The following IDUA variants were observed in gnomAD, a reference collection of about 807,000 sequenced individuals.
The protein encoded by IDUA is iduronidase alpha-L-.
Under a neutral mutation model 68.9 loss-of-function variants are expected in IDUA, and 65 were observed. The ratio of observed to expected loss-of-function variants is 0.94; its 90% CI spans 0.77 to 1.16. IDUA has a LOEUF of 1.16. IDUA is among the 50% of genes most tolerant of loss of function. The probability of loss-of-function intolerance (pLI) is 0.00; values close to 1 mark genes in which losing one functional copy is unlikely to be tolerated. For missense variants in IDUA, 1,046 were observed against 938.0 expected, an observed-to-expected ratio of 1.12 and a Z score of -1.50; for synonymous variants, 529 against 433.6, an observed-to-expected ratio of 1.22 and a Z score of -2.73.
chr4:990,219 C>T (rs1168039020), intron 2 of IDUA: 1 of 1,567,108 alleles, frequency 6.4e-7, no homozygotes, highest in African/African-American at 1.3e-5. Flanking sequence ...TGCCGGGCCC[C>T]TGGTGCCGCG....
At position 995,189 on chromosome 4, in the gene IDUA, C is replaced by CG. The variant is rs565220803; in HGVS notation, c.300-5422dup. On this transcript the variant is annotated intron_variant, in intron 2 of 13. Transcript: ENST00000514224. The stretch of plus-strand genomic sequence containing the variant: ...CCGCCTGAGTAGTTGGGACTACAGG[C>CG]GTGTGCCACCACGCCCGGCTAATTT... 2.6e-5 allele frequency among the ~76,000 whole-genome samples: 4 copies of CG among 152,088 alleles called. No individual in the cohort carries two copies. The South Asian group carries it at 8.3e-4, about 32-fold the overall frequency.
intron 2 of IDUA, among the ~76,000 whole-genome samples, chr4:995,445 G>C (rs535894126): frequency 6.6e-6 from 1 of 152,286 alleles, no homozygotes; most frequent in East Asian, 1.9e-4. Context: ...ACCTGTGGCC[G>C]GAGGGTGAGT....
At position 1,003,586 on chromosome 4, in the gene IDUA, A is replaced by C; in HGVS notation, c.1688A>C (p.Gln563Pro). 6.2e-7 allele frequency: 1 copy of C among 1,612,340 alleles called. No homozygotes were observed. The highest frequency in any genetic ancestry group is 8.5e-7 in the Non-Finnish European group (1 of 1,179,796). The stretch of plus-strand genomic sequence containing the variant: ...CGCGCCCTGCCCCTGACCCAAGGGC[A>C]GCTGGTTCTGGTCTGGTCGGATGAA... ...RLRALPLTQGQLVLVWSDEHV... is the reference protein window; with the variant it reads ...RLRALPLTQGPLVLVWSDEHV... The change falls in exon 12 of 14, where the codon CAG (glutamine) becomes CCG (proline). Residue 563 changes from glutamine (Q) to proline (P), a missense_variant. Gln to Pro is a moderately conservative substitution (Grantham distance 76, BLOSUM62 -1). Coordinates refer to ENST00000514224, the MANE Select transcript of IDUA (RefSeq NM_000203.5).
chr4:1,000,382 T>C (rs1715000397), intron 2 of IDUA, among the ~76,000 whole-genome samples: 1 of 152,242 alleles, frequency 6.6e-6, no homozygotes, highest in South Asian at 2.1e-4. Flanking sequence ...CCCCAAGTTT[T>C]CCATCTCTTG....
intron 4 of IDUA, 166 bp from the exon 5 acceptor site, chr4:1,001,302 G>T (rs564909779): frequency 1.4e-6 from 1 of 716,072 alleles, no homozygotes; most frequent in Admixed American, 2.0e-5. Flanking sequence ...CCCAGGTCTT[G>T]GACCCCCTTG....
rs367905897 is a variant in IDUA at position 999,342 on chromosome 4, C to T, written c.300-1270C>T. Among the ~76,000 whole-genome samples, 329 of 152,336 alleles carry T rather than the reference C, an allele frequency of 2.2e-3. 2 individuals carry two copies. The highest frequency in any genetic ancestry group is 7.7e-3 in the African/African-American group (320 of 41,574). ...CAGAGCCCCATGGAGCCTCATATCC[C>T]ATGATATCCACCCTTATTCTGTCTC... On this transcript the variant is annotated intron_variant, in intron 2 of 13. Coordinates refer to ENST00000514224, the MANE Select transcript of IDUA (RefSeq NM_000203.5).
At chr4:1,001,086 C>G in intron 4 of IDUA, 97 bp downstream of exon 4, 1 of 849,556 alleles carries the variant, frequency 1.2e-6, no homozygotes. Flanking sequence ...TCAGGAGATA[C>G]ATTGGTGGGC....
intron 10 of IDUA, 72 bp downstream of exon 10, chr4:1,003,229 G>A (rs1391273546): frequency 7.8e-7 from 1 of 1,274,892 alleles, no homozygotes; most frequent in Non-Finnish European, 1.0e-6. Flanking sequence ...CGGGGCGGGG[G>A]CTCCGAGGCG....
intron 2 of IDUA, chr4:990,146 C>G: frequency 1.3e-6 from 2 of 1,566,492 alleles, no homozygotes; most frequent in Non-Finnish European, 1.7e-6. Flanking sequence ...GTGCTGGTGA[C>G]CACGTCGCAC....
At chr4:996,416 G>A (rs1259608815) in intron 2 of IDUA, among the ~76,000 whole-genome samples, 5 of 152,214 alleles carry the variant, frequency 3.3e-5, no homozygotes, top group East Asian at 3.8e-4. Flanking sequence ...TGGTGCAGAC[G>A]CCTGCATGCA....
chr4:994,371 G>C (rs564122212), intron 2 of IDUA, among the ~76,000 whole-genome samples: 1 of 151,866 alleles, frequency 6.6e-6, no homozygotes, highest in African/African-American at 2.4e-5. Flanking sequence ...TGCCTCCTGG[G>C]TTCACGCCAT....
intron 2 of IDUA, among the ~76,000 whole-genome samples, chr4:996,684 C>T (rs1225081053): frequency 6.6e-6 from 1 of 152,210 alleles, no homozygotes; most frequent in Non-Finnish European, 1.5e-5. Context: ...GTGAGGTCAT[C>T]ACTGCAGGAT....
intron 2 of IDUA, chr4:990,343 C>G (rs572928465): frequency 1.2e-6 from 2 of 1,601,516 alleles, no homozygotes; most frequent in Non-Finnish European, 1.7e-6. Flanking sequence ...GAAGCCCAGC[C>G]GGAGGACGCC....
Position 991,657 on chromosome 4 carries a change from G to A in IDUA, c.299+3708G>A, listed in dbSNP as rs199532422. ...GGGTGCTGGGCGCTGCCGTCGGACC[G>A]GCACCGGCCCTCTGCCCTGCTGCAG... On this transcript the variant is annotated intron_variant, in intron 2 of 13. Coordinates refer to ENST00000514224, the MANE Select transcript of IDUA (RefSeq NM_000203.5). 132 of 1,546,982 alleles carry A rather than the reference G, an allele frequency of 8.5e-5. No individual in the cohort carries two copies. Among genetic ancestry groups the A allele is most frequent in the Non-Finnish European group, 9.0e-5 (104 of 1,153,566 alleles).
intron 2 of IDUA, chr4:990,330 C>T: frequency 6.2e-7 from 1 of 1,604,106 alleles, no homozygotes. Flanking sequence ...GGTAGGCGGA[C>T]ACGAAGCCCA....
Position 989,898 on chromosome 4 carries a change from G to A in IDUA, c.299+1949G>A. 6.4e-7 allele frequency: 1 copy of A among 1,566,324 alleles called. No individual in the cohort carries two copies. Among genetic ancestry groups the A allele is most frequent in the East Asian group, 2.4e-5 (1 of 42,354 alleles). Reference sequence around the variant, plus strand: ...AGAAGGCGGCAGCCACGAGGGCCAGGGCCACGGCATCCAAAGCCACACGCT... The same window carrying A: ...AGAAGGCGGCAGCCACGAGGGCCAGAGCCACGGCATCCAAAGCCACACGCT... On this transcript the variant is annotated intron_variant, in intron 2 of 13. Coordinates refer to ENST00000514224, the MANE Select transcript of IDUA (RefSeq NM_000203.5).
In IDUA at chr4:1,003,449, C is replaced by A; in HGVS notation, c.1629C>A (p.Arg543=). ...PSLLLVHVCA[R]PEKPPGQVTR... Reference sequence around the variant, plus strand: ...TTTTGCTGGTGCACGTGTGTGCGCGCCCCGAGAAGCCGCCCGGGCAGGCAA... The same window carrying A: ...TTTTGCTGGTGCACGTGTGTGCGCGACCCGAGAAGCCGCCCGGGCAGGCAA... Residue 543 remains arginine (R), a synonymous_variant, in exon 11 of 14, where the codon CGC becomes CGA. Coordinates refer to ENST00000514224, the MANE Select transcript of IDUA (RefSeq NM_000203.5). 6.5e-7 allele frequency: 1 copy of A among 1,548,920 alleles called. No homozygotes were observed. The highest frequency in any genetic ancestry group is 8.7e-7 in the Non-Finnish European group (1 of 1,153,924).
intron 2 of IDUA, among the ~76,000 whole-genome samples, chr4:997,419 C>T (rs1347865756): frequency 6.7e-6 from 1 of 149,672 alleles, no homozygotes; most frequent in African/African-American, 2.5e-5. Context: ...CCCCCATGCA[C>T]GCGCGGCCCC....
intron 2 of IDUA, among the ~76,000 whole-genome samples, chr4:996,898 C>T (rs1017636773): frequency 1.3e-5 from 2 of 152,172 alleles, no homozygotes; most frequent in African/African-American, 4.8e-5. Context: ...CTTCCTTCCC[C>T]GCTTGGCCCA....
Sources: allele counts gnomAD v4.1 joint callset (sites outside exome capture counted in the v4.1 genomes callset), GRCh38; gene constraint gnomAD v4.1.1; transcripts MANE v1.5; gene names NCBI Gene and HGNC (gene_info 2026-07-23, HGNC 2026-07-21).